Variants in USP37 observed in about 807,000 individuals in gnomAD.
USP37 encodes ubiquitin carboxyl-terminal hydrolase 37.
Under a neutral mutation model 124.0 loss-of-function variants are expected in USP37, and 27 were observed. The observed-to-expected ratio is 0.22, with a 90% CI of 0.16 to 0.30. The LOEUF (loss-of-function observed/expected upper bound fraction) is 0.30, where lower values mean the gene tolerates loss of function less well. Among genes scored for constraint, USP37 ranks in the 10% least tolerant of loss-of-function variants. The pLI is 1.00. For synonymous variants in USP37, 365 were observed against 388.0 expected, an observed-to-expected ratio of 0.94 and a Z score of 0.70; for missense variants, 889 against 1,140.4, an observed-to-expected ratio of 0.78 and a Z score of 3.17.
At chr2:218,556,148 T>C (rs1692958917) in intron 4 of USP37, among the ~76,000 whole-genome samples, 2 of 152,208 alleles carry the variant, frequency 1.3e-5, no homozygotes, top group Admixed American at 6.5e-5. Context: ...AACATCAATA[T>C]CTGGTTCCTA....
At chr2:218,545,906 G>A (rs1692294291) in intron 8 of USP37, among the ~76,000 whole-genome samples, 1 of 152,060 alleles carries the variant, frequency 6.6e-6, no homozygotes, top group Admixed American at 6.5e-5. Context: ...AAGACAAGAA[G>A]GGGTTCACAC....
intron 4 of USP37, among the ~76,000 whole-genome samples, chr2:218,554,931 C>CTTTTTTTTT (rs1382832972): frequency 1.1e-4 from 16 of 151,472 alleles, no homozygotes; most frequent in African/African-American, 3.9e-4. Flanking sequence ...ATATAGCACA[C>CTTTTTTTTT]TTTTTTTTTC....
At chr2:218,475,200 T>C (rs1690902782) in intron 19 of USP37, among the ~76,000 whole-genome samples, 1 of 152,212 alleles carries the variant, frequency 6.6e-6, no homozygotes, top group Admixed American at 6.5e-5. Context: ...GTATTTTCAA[T>C]TTATTTTCTT....
chr2:218,503,402 T>C (rs1179390473), intron 11 of USP37, among the ~76,000 whole-genome samples: 1 of 152,248 alleles, frequency 6.6e-6, no homozygotes, highest in Non-Finnish European at 1.5e-5. Context: ...AACTACGTAT[T>C]GTGGGATGTA....
chr2:218,457,529 C>T (rs775593269), intron 23 of USP37, among the ~76,000 whole-genome samples: 1 of 151,976 alleles, frequency 6.6e-6, no homozygotes, highest in Non-Finnish European at 1.5e-5. Flanking sequence ...TTTTTCCAAA[C>T]CCATATGAAT....
intron 11 of USP37, among the ~76,000 whole-genome samples, chr2:218,507,150 ATATTTATT>A (rs1213795359): frequency 1.3e-5 from 2 of 151,046 alleles, no homozygotes; most frequent in Admixed American, 6.6e-5. Flanking sequence ...GTATTTAATT[ATATTTATT>A]TATTTATTTA....
At chr2:218,545,157 T>C (rs1692250248) in intron 8 of USP37, among the ~76,000 whole-genome samples, 1 of 152,224 alleles carries the variant, frequency 6.6e-6, no homozygotes, top group South Asian at 2.1e-4. Flanking sequence ...TTAGTTGTAT[T>C]AGTTGTCCCT....
At chr2:218,525,707 T>C (rs1044806614) in intron 10 of USP37, among the ~76,000 whole-genome samples, 7 of 152,196 alleles carry the variant, frequency 4.6e-5, no homozygotes, top group Non-Finnish European at 8.8e-5. Context: ...CTAAGTTTTA[T>C]TTTAAGTTCA....
chr2:218,497,984 G>A, intron 12 of USP37, 42 bp downstream of exon 12: 2 of 1,567,756 alleles, frequency 1.3e-6, no homozygotes, highest in Admixed American at 2.0e-5. Context: ...TATAATCAAT[G>A]AAGTAAAAGG....
At chr2:218,540,121 C>T (rs143665929) in intron 8 of USP37, among the ~76,000 whole-genome samples, 13 of 152,248 alleles carry the variant, frequency 8.5e-5, no homozygotes, top group African/African-American at 2.9e-4. Context: ...TCACTACTGT[C>T]GTGCTTTGGA....
chr2:218,483,796 A>G (rs1359634787), intron 16 of USP37, among the ~76,000 whole-genome samples: 1 of 152,158 alleles, frequency 6.6e-6, no homozygotes, highest in African/African-American at 2.4e-5. Context: ...TTGCCTTAAG[A>G]TTCTTCCTCC....
At chr2:218,515,299 C>T (rs905646055) in intron 10 of USP37, among the ~76,000 whole-genome samples, 6 of 152,038 alleles carry the variant, frequency 3.9e-5, no homozygotes, top group Admixed American at 3.3e-4. Context: ...TCAAACTATA[C>T]TACAAGGCTA....
chr2:218,483,331 A>G (rs1691365451), intron 16 of USP37, among the ~76,000 whole-genome samples: 1 of 152,310 alleles, frequency 6.6e-6, no homozygotes, highest in South Asian at 2.1e-4. Context: ...GGAAAATGAT[A>G]GTCAAAATCA....
At chr2:218,458,271 A>AG (rs1219231109) in intron 23 of USP37, among the ~76,000 whole-genome samples, 1 of 149,552 alleles carries the variant, frequency 6.7e-6, no homozygotes, top group Non-Finnish European at 1.5e-5. Flanking sequence ...AAAAAAAAAA[A>AG]AAAAACAACT....
chr2:218,475,609 C>T (rs1380041238), intron 19 of USP37, among the ~76,000 whole-genome samples: 2 of 152,092 alleles, frequency 1.3e-5, no homozygotes, highest in Non-Finnish European at 1.5e-5. Flanking sequence ...TGGTGGCACG[C>T]ACCTGTAGTC....
At chr2:218,537,204 C>G (rs908028328) in intron 8 of USP37, among the ~76,000 whole-genome samples, 2 of 152,196 alleles carry the variant, frequency 1.3e-5, no homozygotes, top group Non-Finnish European at 2.9e-5. Context: ...TAAATTCAGT[C>G]TATTTCTTCA....
In USP37 at chr2:218,497,864, AAAC is replaced by A; in HGVS notation, c.1158-10_1158-8del. On this transcript the variant is annotated splice_region_variant and splice_polypyrimidine_tract_variant and intron_variant, in intron 12 of 25. Coordinates refer to ENST00000258399, the MANE Select transcript of USP37 (RefSeq NM_020935.3). The stretch of plus-strand genomic sequence containing the variant: ...AAGCAAGTGTGCAAAGCGTCTAGTA[AAAC>A]AAAAAACACAAAGTTAGCACGTTTT... The A allele has an allele frequency of 6.2e-7, 1 of 1,610,750 alleles. No individual in the cohort carries two copies.
intron 7 of USP37, 54 bp downstream of exon 7, chr2:218,546,865 G>C: frequency 1.3e-6 from 2 of 1,556,974 alleles, no homozygotes; most frequent in Non-Finnish European, 1.7e-6. Context: ...TTTCTAAAAG[G>C]CCTAAAAGAC....
chr2:218,458,071 A>G (rs959004247), intron 23 of USP37, among the ~76,000 whole-genome samples: 4 of 146,572 alleles, frequency 2.7e-5, no homozygotes, highest in African/African-American at 7.5e-5. Flanking sequence ...AAAAGAAAAG[A>G]AAAAAAAAAT....
Sources: gnomAD v4.1 joint callset for allele counts (sites outside exome capture counted in the v4.1 genomes callset) on GRCh38, gnomAD v4.1.1 for gene constraint, MANE v1.5 for transcripts, NCBI Gene and HGNC (gene_info 2026-07-23, HGNC 2026-07-21) for gene names.